The following FAM200B variants were observed in gnomAD, a reference collection of about 807,000 sequenced individuals.
The protein encoded by FAM200B is protein FAM200B.
A neutral mutation model predicts 33.1 loss-of-function variants in FAM200B; 32 were observed. The ratio of observed to expected loss-of-function variants is 0.97; its 90% CI spans 0.73 to 1.30. FAM200B has a LOEUF of 1.30. FAM200B is among the 50% of genes most tolerant of loss of function. The pLI, the probability that FAM200B is intolerant of heterozygous loss-of-function variation, is 0.00. For synonymous variants in FAM200B, 240 were observed against 264.8 expected, an observed-to-expected ratio of 0.91 and a Z score of 0.91; for missense variants, 741 against 754.0, an observed-to-expected ratio of 0.98 and a Z score of 0.20.
At chr4:15,661,270 A>G in the FAM200B span, among the ~76,000 whole-genome samples, 1 of 152,278 alleles carries the variant, frequency 6.6e-6, no homozygotes, top group African/African-American at 2.4e-5. Context: ...CACTGTTTTA[A>G]AAGTGTTCTT....
chr4:15,648,932 T>C, the FAM200B span, among the ~76,000 whole-genome samples: 1 of 152,214 alleles, frequency 6.6e-6, no homozygotes, highest in Non-Finnish European at 1.5e-5. Flanking sequence ...GTAATCATTA[T>C]ACAATGTACA....
At chr4:15,638,455 G>A in the FAM200B span, 1 of 1,326,864 alleles carries the variant, frequency 7.5e-7, no homozygotes, top group East Asian at 2.5e-5. Flanking sequence ...ATATCAGTAA[G>A]ATGTCAATGA....
At chr4:15,643,907 T>C in the FAM200B span, among the ~76,000 whole-genome samples, 2 of 152,206 alleles carry the variant, frequency 1.3e-5, no homozygotes, top group Non-Finnish European at 2.9e-5. Flanking sequence ...TGAGTAGCAT[T>C]CATTATAAAA....
chr4:15,653,601 G>A, the FAM200B span, among the ~76,000 whole-genome samples: 5 of 151,934 alleles, frequency 3.3e-5, no homozygotes, highest in African/African-American at 1.2e-4. Context: ...AGAAAACCTT[G>A]GATTCTGTTA....
At chr4:15,641,591 T>C in the FAM200B span, 30 of 458,248 alleles carry the variant, frequency 6.5e-5, no homozygotes, top group South Asian at 4.7e-4. Flanking sequence ...TCGATTGTTT[T>C]ATGTTATTGG....
At chr4:15,660,036 G>A in the FAM200B span, 2 of 151,916 alleles carry the variant, frequency 1.3e-5, no homozygotes, top group Non-Finnish European at 2.9e-5. Context: ...GGAAAAAAAA[G>A]TATTAGGAAA....
At chr4:15,640,301 T>C in the FAM200B span, among the ~76,000 whole-genome samples, 25 of 149,544 alleles carry the variant, frequency 1.7e-4, no homozygotes, top group African/African-American at 5.9e-4. Context: ...CTGCCTCAGC[T>C]TCCCAAGTGC....
the FAM200B span, among the ~76,000 whole-genome samples, chr4:15,642,734 T>C: frequency 6.6e-6 from 1 of 152,162 alleles, no homozygotes; most frequent in East Asian, 1.9e-4. Context: ...TCAAATTTGC[T>C]TTTTCATACT....
chr4:15,649,252 C>G, the FAM200B span, among the ~76,000 whole-genome samples: 11 of 151,742 alleles, frequency 7.2e-5, no homozygotes, highest in Non-Finnish European at 1.5e-4. Context: ...ACATTTTTAA[C>G]CCGGTACCTA....
At chr4:15,638,469 T>TA in the FAM200B span, 3 of 1,455,740 alleles carry the variant, frequency 2.1e-6, no homozygotes, top group Non-Finnish European at 2.8e-6. Context: ...TCAATGACCT[T>TA]ACAACTAATA....
chr4:15,670,582 A>T, the FAM200B span, among the ~76,000 whole-genome samples: 1 of 152,150 alleles, frequency 6.6e-6, no homozygotes, highest in Non-Finnish European at 1.5e-5. Flanking sequence ...TGGGATGCAT[A>T]TATAGCCAGT....
In FAM200B at chr4:15,686,457, C is replaced by T. The variant is rs568365489; in HGVS notation, c.-521C>T. On this transcript the variant is annotated 5_prime_UTR_variant, in exon 2 of 2. Coordinates refer to ENST00000422728, the MANE Select transcript of FAM200B (RefSeq NM_001145191.2). ...TCTCTTTCATCATCAAGCAGACATACTCAAGGTACCAACACAGCAAAGGCA... is the reference window on the plus strand; with the variant it reads ...TCTCTTTCATCATCAAGCAGACATATTCAAGGTACCAACACAGCAAAGGCA... 6.6e-6 allele frequency: 1 copy of T among 152,304 alleles called. No homozygotes were observed. The highest frequency in any genetic ancestry group is 2.1e-4 in the South Asian group (1 of 4,824). 9.4% of individuals were successfully genotyped at this position (152,304 alleles called of 1,614,324 possible).
Position 15,681,852 on chromosome 4 carries a change from C to A in FAM200B, c.-792C>A, listed in dbSNP as rs1191495929. On this transcript the variant is annotated 5_prime_UTR_variant, in exon 1 of 2. The change creates a new upstream start codon in the 5' untranslated region. Coordinates refer to ENST00000422728, the MANE Select transcript of FAM200B (RefSeq NM_001145191.2). ...AGAGGCGCAGCTCTGCTGGAGAGACCTGAGGCTTGCAGCGCTGGGCCCGGC... is the reference window on the plus strand; with the variant it reads ...AGAGGCGCAGCTCTGCTGGAGAGACATGAGGCTTGCAGCGCTGGGCCCGGC... 1 of 152,968 alleles carries A rather than the reference C, an allele frequency of 6.5e-6. No homozygotes were observed. Among genetic ancestry groups the A allele is most frequent in the African/African-American group, 2.4e-5 (1 of 41,456 alleles). 9.5% of individuals were successfully genotyped at this position (152,968 alleles called of 1,614,324 possible). A position where few individuals can be genotyped will look rare whatever the true frequency, so the allele number is the denominator to read the frequency against.
At chr4:15,670,575 G>A in the FAM200B span, among the ~76,000 whole-genome samples, 2 of 152,048 alleles carry the variant, frequency 1.3e-5, no homozygotes, top group African/African-American at 2.4e-5. Context: ...TTTTAACTGG[G>A]ATGCATATAT....
chr4:15,685,476 G>A (rs1035377207), intron 1 of FAM200B, among the ~76,000 whole-genome samples: 1 of 152,108 alleles, frequency 6.6e-6, no homozygotes, highest in Non-Finnish European at 1.5e-5. Flanking sequence ...TAGTTGCCTG[G>A]TAGCTGGTCT....
intron 1 of FAM200B, chr4:15,684,658 G>A (rs1718658407): frequency 1.3e-5 from 2 of 152,170 alleles, no homozygotes; most frequent in South Asian, 4.1e-4. Context: ...GCTGTGTATT[G>A]CCCTTCAGCT....
chr4:15,689,524 C>T lies in FAM200B; in HGVS notation c.*573C>T, dbSNP rs949113803. 52 of 166,938 alleles carry T rather than the reference C, an allele frequency of 3.1e-4. No individual in the cohort carries two copies. Among genetic ancestry groups the T allele is most frequent in the Non-Finnish European group, 5.4e-4 (37 of 68,136 alleles). The allele number at this position is 166,938 out of a possible 1,614,324, so 10.3% of individuals were successfully genotyped here. ...CATGGTGGCTCAGACCTGTAATCCC[C>T]GCACTTTGGCAGGCCATGGCAGAAG... is the stretch of plus-strand genomic sequence containing the variant. On this transcript the variant is annotated 3_prime_UTR_variant, in exon 2 of 2. Coordinates refer to ENST00000422728, the MANE Select transcript of FAM200B (RefSeq NM_001145191.2).
the FAM200B span, among the ~76,000 whole-genome samples, chr4:15,639,758 T>A: frequency 6.6e-6 from 1 of 152,230 alleles, no homozygotes; most frequent in African/African-American, 2.4e-5. Flanking sequence ...GTCCTCTGAT[T>A]TAACTCTGAT....
At chr4:15,685,197 T>C (rs775738041) in intron 1 of FAM200B, among the ~76,000 whole-genome samples, 48 of 152,306 alleles carry the variant, frequency 3.2e-4, no homozygotes, top group Middle Eastern at 3.4e-3. Context: ...TGGTAAGATA[T>C]GCAGATGTGA....
Sources: allele counts gnomAD v4.1 joint callset (sites outside exome capture counted in the v4.1 genomes callset), GRCh38; gene constraint gnomAD v4.1.1; transcripts MANE v1.5; gene names NCBI Gene and HGNC (gene_info 2026-07-23, HGNC 2026-07-21).